Variants in NDST4 observed in about 807,000 individuals in gnomAD.
The protein encoded by NDST4 is N-heparan sulfate sulfotransferase 4.
A neutral mutation model predicts 100.8 loss-of-function variants in NDST4; 63 were observed. The observed-to-expected ratio is 0.62, with a 90% CI of 0.51 to 0.77. The LOEUF is 0.77. Ranked by LOEUF, NDST4 falls within the 30% of genes least tolerant of loss-of-function variation. The pLI, the probability that NDST4 is intolerant of heterozygous loss-of-function variation, is 0.00. For synonymous variants in NDST4, 377 were observed against 361.8 expected, an observed-to-expected ratio of 1.04 and a Z score of -0.48; for missense variants, 943 against 1,018.4, an observed-to-expected ratio of 0.93 and a Z score of 1.01.
chr4:115,057,704 A>G (rs764712372), intron 2 of NDST4, among the ~76,000 whole-genome samples: 68 of 46,956 alleles, frequency 1.4e-3, no homozygotes, highest in Non-Finnish European at 2.1e-3. Flanking sequence ...GTGCGCACGC[A>G]CACACACACA....
At chr4:114,831,828 C>G (rs1723207922) in intron 12 of NDST4, among the ~76,000 whole-genome samples, 1 of 152,194 alleles carries the variant, frequency 6.6e-6, no homozygotes, top group South Asian at 2.1e-4. Flanking sequence ...CATTTATCCT[C>G]TCTAAGTTAT....
chr4:115,027,804 T>C (rs1578466362), intron 2 of NDST4, among the ~76,000 whole-genome samples: 3 of 152,074 alleles, frequency 2.0e-5, no homozygotes, highest in South Asian at 4.1e-4. Context: ...CTGTAATCCC[T>C]GCACTTTGGG....
At chr4:115,112,146 A>T (rs914944881) in intron 1 of NDST4, among the ~76,000 whole-genome samples, 3 of 151,324 alleles carry the variant, frequency 2.0e-5, no homozygotes, top group Non-Finnish European at 3.0e-5. Flanking sequence ...TGACACTGGG[A>T]TATAGCTAAC....
chr4:115,075,038 T>C (rs139308756), intron 2 of NDST4, among the ~76,000 whole-genome samples: 2 of 152,260 alleles, frequency 1.3e-5, no homozygotes, highest in African/African-American at 2.4e-5. Flanking sequence ...GTGTAACATA[T>C]TGGCTTTATT....
chr4:115,080,525 C>G (rs756024952), intron 1 of NDST4, among the ~76,000 whole-genome samples: 46 of 152,086 alleles, frequency 3.0e-4, no homozygotes, highest in Middle Eastern at 3.4e-3. Context: ...TTGCATTTTA[C>G]TAAAAAGAAA....
chr4:115,102,240 A>C (rs994323261), intron 1 of NDST4, among the ~76,000 whole-genome samples: 1 of 152,210 alleles, frequency 6.6e-6, no homozygotes, highest in Non-Finnish European at 1.5e-5. Flanking sequence ...GTTATCCATG[A>C]AACATAAAAT....
chr4:114,984,913 T>C (rs1404421696), intron 2 of NDST4, among the ~76,000 whole-genome samples: 1 of 152,200 alleles, frequency 6.6e-6, no homozygotes, highest in African/African-American at 2.4e-5. Flanking sequence ...AGCTCTACCT[T>C]TCTTCTTACT....
chr4:114,870,034 T>A lies in NDST4; in HGVS notation c.1719+734A>T, dbSNP rs1560787477. Among the ~76,000 whole-genome samples, 8 of 152,176 alleles carry A rather than the reference T, an allele frequency of 5.3e-5. No individual in the cohort carries two copies. The South Asian group carries it at 1.7e-3, about 31-fold the overall frequency. ...CTGCTTGGCAGGGGACTATCTGATC[T>A]GCTCTCTGCAGCCAGCCTATTGATT... On this transcript the variant is annotated intron_variant, in intron 7 of 13. Coordinates refer to ENST00000264363, the MANE Select transcript of NDST4 (RefSeq NM_022569.3).
intron 12 of NDST4, among the ~76,000 whole-genome samples, chr4:114,830,654 A>T (rs1352244697): frequency 6.6e-6 from 1 of 152,240 alleles, no homozygotes; most frequent in Non-Finnish European, 1.5e-5. Flanking sequence ...AGGAGAGGAA[A>T]AACGGAAGAA....
intron 6 of NDST4, among the ~76,000 whole-genome samples, chr4:114,886,335 T>C (rs1323533266): frequency 2.0e-5 from 3 of 152,118 alleles, no homozygotes; most frequent in Admixed American, 2.0e-4. Context: ...TCTTCATTCT[T>C]GGAATCTAAT....
At chr4:115,029,964 C>T (rs1369026188) in intron 2 of NDST4, among the ~76,000 whole-genome samples, 3 of 152,018 alleles carry the variant, frequency 2.0e-5, no homozygotes, top group Admixed American at 6.6e-5. Flanking sequence ...AATGAAAGAG[C>T]ATAAAGTATG....
chr4:114,943,952 A>G (rs1364074705), intron 4 of NDST4, among the ~76,000 whole-genome samples: 1 of 152,224 alleles, frequency 6.6e-6, no homozygotes, highest in East Asian at 1.9e-4. Flanking sequence ...TTGGAAAAAC[A>G]TCAACTTTGG....
intron 2 of NDST4, among the ~76,000 whole-genome samples, chr4:115,014,421 A>C (rs1235715731): frequency 6.6e-6 from 1 of 152,066 alleles, no homozygotes. Flanking sequence ...CCTCAGTAAA[A>C]TGTTTAGGGG....
chr4:115,015,790 A>G (rs76144590), intron 2 of NDST4, among the ~76,000 whole-genome samples: 9,155 of 152,076 alleles, frequency 0.06, 355 homozygotes, highest in Middle Eastern at 0.099. Context: ...CCACGGGCTC[A>G]GCAATATGGA....
At chr4:115,006,017 G>A (rs1416753777) in intron 2 of NDST4, among the ~76,000 whole-genome samples, 3 of 103,992 alleles carry the variant, frequency 2.9e-5, no homozygotes. Flanking sequence ...GGGTGACAGA[G>A]TGAGACTCTA....
intron 2 of NDST4, among the ~76,000 whole-genome samples, chr4:115,053,398 T>G (rs891395474): frequency 3.3e-5 from 5 of 152,174 alleles, no homozygotes; most frequent in African/African-American, 1.2e-4. Context: ...TTCTGAAACC[T>G]AATGCTATCA....
chr4:114,982,245 A>C (rs968459414), intron 2 of NDST4, among the ~76,000 whole-genome samples: 1 of 152,208 alleles, frequency 6.6e-6, no homozygotes, highest in Non-Finnish European at 1.5e-5. Context: ...AGAAGAAGAC[A>C]GGAAGATGTG....
At chr4:115,108,807 C>A (rs1729883117) in intron 1 of NDST4, among the ~76,000 whole-genome samples, 1 of 151,976 alleles carries the variant, frequency 6.6e-6, no homozygotes, top group Non-Finnish European at 1.5e-5. Flanking sequence ...CCCACTCTTT[C>A]TCTTCATTTT....
intron 6 of NDST4, among the ~76,000 whole-genome samples, chr4:114,932,153 T>C (rs145957181): frequency 1.3e-5 from 2 of 151,980 alleles, no homozygotes; most frequent in South Asian, 2.1e-4. Context: ...ACCACAATCA[T>C]GTGGGATTTA....
Sources: allele counts gnomAD v4.1 joint callset (sites outside exome capture counted in the v4.1 genomes callset), GRCh38; gene constraint gnomAD v4.1.1; transcripts MANE v1.5; gene names NCBI Gene and HGNC (gene_info 2026-07-23, HGNC 2026-07-21).